Variants in AKAP7 observed in about 807,000 individuals in gnomAD.
The protein encoded by AKAP7 is A-kinase anchoring protein 7.
In AKAP7, 39 loss-of-function variants were observed where a neutral mutation model predicts 39.5. That is an observed-to-expected ratio of 0.99 (90% CI 0.76 to 1.29). AKAP7 has a LOEUF of 1.29. AKAP7 is among the 50% of genes most tolerant of loss of function. AKAP7 has a pLI of 0.00. For synonymous variants in AKAP7, 140 were observed against 139.1 expected (o/e 1.01, Z -0.05); for missense variants, 414 against 407.7 (o/e 1.02, Z -0.13).
At chr6:131,244,424 G>C (rs1811840411) in intron 7 of AKAP7, among the ~76,000 whole-genome samples, 1 of 152,192 alleles carries the variant, frequency 6.6e-6, no homozygotes, top group Non-Finnish European at 1.5e-5. Flanking sequence ...CTGATAGCAG[G>C]GTATGCTGTA....
intron 5 of AKAP7, among the ~76,000 whole-genome samples, chr6:131,186,107 T>A (rs1387284185): frequency 6.6e-6 from 1 of 152,214 alleles, no homozygotes; most frequent in Non-Finnish European, 1.5e-5. Flanking sequence ...CCTTCTCAAA[T>A]TGTATGTTGA....
intron 7 of AKAP7, among the ~76,000 whole-genome samples, chr6:131,267,055 T>G (rs1813860915): frequency 7.2e-6 from 1 of 139,818 alleles, no homozygotes; most frequent in Non-Finnish European, 1.6e-5. Context: ...CATATTCTAC[T>G]CACTCATCCA....
chr6:131,219,770 G>A lies in AKAP7; in HGVS notation c.812G>A (p.Ser271Asn). 2 of 1,593,284 alleles carry A rather than the reference G, an allele frequency of 1.3e-6. No homozygotes were observed. The highest frequency in any genetic ancestry group is 1.1e-5 in the South Asian group (1 of 87,524). The change falls in exon 7 of 8, where the codon AGT becomes AAT. Residue 271 changes from serine to asparagine, a missense_variant. Physicochemically the swap from Ser to Asn is conservative, Grantham distance 46. Coordinates refer to ENST00000431975, the MANE Select transcript of AKAP7 (RefSeq NM_016377.4). ...TGCTCCATGCTGAAGAAAAAACAAA[G>A]TAATGGTTATTATCACTGTGAATCT... Reference protein sequence around the residue: ...DLCSMLKKKQSNGYYHCESSI... With the variant: ...DLCSMLKKKQNNGYYHCESSI...
At chr6:131,145,987 C>T (rs898619950) in intron 2 of AKAP7, among the ~76,000 whole-genome samples, 13 of 152,094 alleles carry the variant, frequency 8.5e-5, no homozygotes, top group African/African-American at 2.9e-4. Flanking sequence ...GTTGAGCCAG[C>T]TACTTCTGAA....
At chr6:131,244,033 C>G (rs1376704806) in intron 7 of AKAP7, among the ~76,000 whole-genome samples, 3 of 149,438 alleles carry the variant, frequency 2.0e-5, no homozygotes, top group African/African-American at 7.4e-5. Flanking sequence ...TTTTAACATC[C>G]AAATATTTAA....
intron 7 of AKAP7, among the ~76,000 whole-genome samples, chr6:131,231,486 A>G (rs573501059): frequency 9.5e-4 from 144 of 152,276 alleles, no homozygotes; most frequent in Non-Finnish European, 1.1e-3. Flanking sequence ...AAAACAGTTT[A>G]TTATCTGAGA....
intron 6 of AKAP7, among the ~76,000 whole-genome samples, chr6:131,203,423 A>G (rs1369374856): frequency 1.3e-5 from 2 of 152,214 alleles, no homozygotes; most frequent in African/African-American, 2.4e-5. Context: ...ATAGTGAAAT[A>G]AAAGAAGGGA....
chr6:131,242,071 A>T lies in AKAP7; in HGVS notation c.850+22263A>T, dbSNP rs557103802. 24 of 982,618 alleles carry T rather than the reference A, an allele frequency of 2.4e-5. No individual in the cohort carries two copies. In the South Asian group the frequency reaches 9.9e-4, roughly 41 times the overall value. 60.9% of individuals were successfully genotyped at this position (982,618 alleles called of 1,614,324 possible). A position where few individuals can be genotyped will look rare whatever the true frequency, so the allele number is the denominator to read the frequency against. On this transcript the variant is annotated intron_variant, in intron 7 of 7. Coordinates refer to ENST00000431975, the MANE Select transcript of AKAP7 (RefSeq NM_016377.4). Reference sequence around the variant, plus strand: ...CTTTGATATTGTATCTGACCGTAATATGTTTTATATAAAATGCCTAAGGGA... The same window carrying T: ...CTTTGATATTGTATCTGACCGTAATTTGTTTTATATAAAATGCCTAAGGGA...
intron 7 of AKAP7, among the ~76,000 whole-genome samples, chr6:131,238,802 T>C (rs143263232): frequency 6.2e-4 from 94 of 152,354 alleles, no homozygotes; most frequent in Non-Finnish European, 1.1e-3. Flanking sequence ...TATATGTGTC[T>C]CTGCATGTGA....
rs1352673011 is a variant in AKAP7, at chr6:131,179,461, A to C, written c.589+10188A>C. Among the ~76,000 whole-genome samples, 3 of 152,146 alleles carry C rather than the reference A, an allele frequency of 2.0e-5. No homozygotes were observed. The East Asian group carries it at 5.8e-4, about 29-fold the overall frequency. ...AGTGCTGAGATTACAGGCGTGAGCC[A>C]CCGTGCCTGGCCCGTTATTGTCTAT... On this transcript the variant is annotated intron_variant, in intron 5 of 7. Transcript: ENST00000431975.
chr6:131,139,778 CTA>C lies in AKAP7; in HGVS notation c.19+3998_19+3999del, dbSNP rs1455068342. Among the ~76,000 whole-genome samples, 4 of 152,342 alleles carry C rather than the reference CTA, an allele frequency of 2.6e-5. No homozygotes were observed. In the East Asian group the frequency reaches 7.7e-4, roughly 29 times the overall value. On this transcript the variant is annotated intron_variant, in intron 1 of 7. Coordinates refer to ENST00000431975, the MANE Select transcript of AKAP7 (RefSeq NM_016377.4). ...AGACAAGGCTTTTAAGGAACTTCGA[CTA>C]TGGTGACGACACATGATGGAGTGCA...
At chr6:131,178,166 A>T (rs2128252144) in intron 5 of AKAP7, among the ~76,000 whole-genome samples, 1 of 152,310 alleles carries the variant, frequency 6.6e-6, no homozygotes, top group Non-Finnish European at 1.5e-5. Flanking sequence ...GCACGAGCAC[A>T]ATCTGTCCAG....
chr6:131,199,634 C>T, intron 6 of AKAP7, 61 bp downstream of exon 6: 1 of 1,308,914 alleles, frequency 7.6e-7, no homozygotes. Flanking sequence ...TAAGCATGGT[C>T]TGGAGCACGA....
intron 7 of AKAP7, among the ~76,000 whole-genome samples, chr6:131,263,666 C>T (rs539861695): frequency 2.2e-4 from 33 of 152,240 alleles, no homozygotes; most frequent in African/African-American, 7.9e-4. Flanking sequence ...CCTGTGGTAG[C>T]TCTGGATCAA....
At chr6:131,168,977 G>A (rs932538116) in intron 4 of AKAP7, 136 bp from the exon 5 acceptor site, 11 of 726,198 alleles carry the variant, frequency 1.5e-5, no homozygotes, top group Non-Finnish European at 2.4e-5. Flanking sequence ...TTTAGATTTA[G>A]AAGGTATTTT....
chr6:131,243,976 A>G (rs538804079), intron 7 of AKAP7, among the ~76,000 whole-genome samples: 2 of 151,624 alleles, frequency 1.3e-5, no homozygotes, highest in South Asian at 2.1e-4. Flanking sequence ...TGGTCAGTAG[A>G]TTAAGTATAT....
At chr6:131,253,221 T>A (rs535286750) in intron 7 of AKAP7, 1 of 963,656 alleles carries the variant, frequency 1.0e-6, no homozygotes, top group Non-Finnish European at 1.5e-6. Flanking sequence ...GTGCTACTGT[T>A]TTAGTCTATT....
At chr6:131,222,547 G>C (rs910238236) in intron 7 of AKAP7, among the ~76,000 whole-genome samples, 1 of 151,972 alleles carries the variant, frequency 6.6e-6, no homozygotes, top group African/African-American at 2.4e-5. Flanking sequence ...AAAAAGAAAA[G>C]AAATAGCAAG....
chr6:131,169,254 C>T lies in AKAP7; in HGVS notation c.570C>T (p.Asn190=), dbSNP rs1169663308. Residue 190 remains asparagine (N), a synonymous_variant, in exon 5 of 8, where the codon AAC becomes AAT. Transcript: ENST00000431975. ...FVKLAEGDHV[N]SLLEIAETAN... ...AGCTGGCAGAAGGAGATCATGTAAACTCACTTTTGGAGATAGCAGGTAAAA... is the reference window on the plus strand; with the variant it reads ...AGCTGGCAGAAGGAGATCATGTAAATTCACTTTTGGAGATAGCAGGTAAAA... The T allele has an allele frequency of 6.2e-7, 1 of 1,613,968 alleles. No homozygotes were observed. Among genetic ancestry groups the T allele is most frequent in the East Asian group, 2.2e-5 (1 of 44,854 alleles).
Sources: gnomAD v4.1 joint callset for allele counts (sites outside exome capture counted in the v4.1 genomes callset) on GRCh38, gnomAD v4.1.1 for gene constraint, MANE v1.5 for transcripts, NCBI Gene and HGNC (gene_info 2026-07-23, HGNC 2026-07-21) for gene names.